Variants in CNTNAP4 observed in about 807,000 individuals in gnomAD.
CNTNAP4 encodes the protein contactin associated protein family member 4.
Under a neutral mutation model 148.4 loss-of-function variants are expected in CNTNAP4, and 98 were observed. The ratio of observed to expected loss-of-function variants is 0.66; its 90% CI spans 0.56 to 0.78. The LOEUF is 0.78. CNTNAP4 is among the 30% of genes least tolerant of loss of function. The pLI is 0.00. For missense variants in CNTNAP4, 1,935 were observed against 1,565.6 expected, an observed-to-expected ratio of 1.24 and a Z score of -3.98; for synonymous variants, 730 against 565.1, an observed-to-expected ratio of 1.29 and a Z score of -4.14.
chr16:76,487,823 A>G (rs1443966706), intron 12 of CNTNAP4, among the ~76,000 whole-genome samples: 1 of 152,202 alleles, frequency 6.6e-6, no homozygotes, highest in African/African-American at 2.4e-5. Context: ...AATGGTTGCC[A>G]TGCACTATGG....
At chr16:76,545,502 G>C (rs62048245) in intron 21 of CNTNAP4, among the ~76,000 whole-genome samples, 4,896 of 152,226 alleles carry the variant, frequency 0.032, 118 homozygotes, top group South Asian at 0.11. Context: ...GAGTGGGCAA[G>C]TGTATTCCTC....
At chr16:76,286,927 A>G (rs909725335) in intron 1 of CNTNAP4, among the ~76,000 whole-genome samples, 1 of 152,164 alleles carries the variant, frequency 6.6e-6, no homozygotes, top group African/African-American at 2.4e-5. Context: ...GTGATGAGGG[A>G]ATTCTATGCA....
intron 15 of CNTNAP4, among the ~76,000 whole-genome samples, chr16:76,515,240 A>G (rs1244804350): frequency 1.3e-5 from 2 of 152,216 alleles, no homozygotes; most frequent in African/African-American, 2.4e-5. Flanking sequence ...AAAAGTTGAC[A>G]GTTAAAAACA....
chr16:76,361,738 G>A (rs2013463800), intron 3 of CNTNAP4, among the ~76,000 whole-genome samples: 1 of 152,150 alleles, frequency 6.6e-6, no homozygotes. Context: ...ATTCCATACT[G>A]CATGCTGTTT....
At chr16:76,442,977 G>A (rs561774741) in intron 4 of CNTNAP4, among the ~76,000 whole-genome samples, 24 of 152,164 alleles carry the variant, frequency 1.6e-4, no homozygotes, top group African/African-American at 5.8e-4. Context: ...GGCTGAAAAG[G>A]GGGCTAGACT....
chr16:76,297,235 A>G (rs1045288481), intron 1 of CNTNAP4, among the ~76,000 whole-genome samples: 1 of 152,220 alleles, frequency 6.6e-6, no homozygotes, highest in Non-Finnish European at 1.5e-5. Context: ...CATCATTTCT[A>G]AAACACTGTT....
intron 3 of CNTNAP4, among the ~76,000 whole-genome samples, chr16:76,415,619 TTCTGATAAATGTAAACA>T (rs1326685610): frequency 3.5e-5 from 5 of 144,888 alleles, no homozygotes; most frequent in African/African-American, 1.2e-4. Flanking sequence ...AATTGATGAG[TTCTGATAAATGTAAACA>T]CCTGTTTAAC....
intron 2 of CNTNAP4, among the ~76,000 whole-genome samples, chr16:76,317,872 G>A (rs1243610834): frequency 1.3e-5 from 2 of 152,110 alleles, no homozygotes; most frequent in Non-Finnish European, 2.9e-5. Flanking sequence ...ACCTACTTTT[G>A]TGTGCTTCTG....
chr16:76,396,296 T>C (rs1354266934), intron 3 of CNTNAP4, among the ~76,000 whole-genome samples: 1 of 152,182 alleles, frequency 6.6e-6, no homozygotes, highest in Non-Finnish European at 1.5e-5. Context: ...CAGTTACTGC[T>C]GCTGCTCACA....
intron 10 of CNTNAP4, among the ~76,000 whole-genome samples, 184 bp downstream of exon 10, chr16:76,467,707 G>A (rs939546299): frequency 1.3e-5 from 2 of 152,122 alleles, no homozygotes; most frequent in South Asian, 4.1e-4. Context: ...TATTTTAAAT[G>A]ACAACATTTG....
intron 3 of CNTNAP4, among the ~76,000 whole-genome samples, chr16:76,360,940 C>T (rs1396305158): frequency 6.6e-6 from 1 of 151,736 alleles, no homozygotes; most frequent in Non-Finnish European, 1.5e-5. Flanking sequence ...CCTCAGCCTC[C>T]CTAGTAGCTG....
intron 18 of CNTNAP4, among the ~76,000 whole-genome samples, chr16:76,537,757 C>A (rs1233051192): frequency 6.6e-6 from 1 of 152,042 alleles, no homozygotes; most frequent in Non-Finnish European, 1.5e-5. Flanking sequence ...TTAAGATACA[C>A]TTCATTTAAG....
intron 3 of CNTNAP4, among the ~76,000 whole-genome samples, chr16:76,403,044 C>T (rs896039144): frequency 3.3e-5 from 5 of 151,410 alleles, no homozygotes; most frequent in African/African-American, 9.7e-5. Flanking sequence ...AAAACAACTC[C>T]ATTAAAACGC....
intron 3 of CNTNAP4, among the ~76,000 whole-genome samples, chr16:76,386,630 G>A (rs1353430387): frequency 1.3e-5 from 2 of 152,120 alleles, no homozygotes; most frequent in African/African-American, 4.8e-5. Context: ...AGATACTTAG[G>A]CACAATAAGT....
intron 4 of CNTNAP4, among the ~76,000 whole-genome samples, chr16:76,432,024 G>T (rs1353665695): frequency 6.6e-6 from 1 of 152,156 alleles, no homozygotes; most frequent in African/African-American, 2.4e-5. Flanking sequence ...ATTATTGTTA[G>T]TAAATCATAA....
chr16:76,450,620 G>A (rs2143209322), intron 7 of CNTNAP4, among the ~76,000 whole-genome samples: 1 of 152,300 alleles, frequency 6.6e-6, no homozygotes, highest in African/African-American at 2.4e-5. Context: ...CAGCATGTAA[G>A]AAACATCACA....
At chr16:76,450,747 AT>A (rs1405953619) in intron 7 of CNTNAP4, among the ~76,000 whole-genome samples, 1 of 152,200 alleles carries the variant, frequency 6.6e-6, no homozygotes, top group African/African-American at 2.4e-5. Context: ...TTACATTCTA[AT>A]TCTGTGGAAA....
chr16:76,462,123 G>C lies in CNTNAP4; in HGVS notation c.1483+18G>C, dbSNP rs781176280. On this transcript the variant is annotated intron_variant, in intron 9 of 23. Coordinates refer to ENST00000611870, the MANE Select transcript of CNTNAP4 (RefSeq NM_033401.5). ...TTTTGGAGGTAAGAATAGGTGCCAG[G>C]CTCTATGAGCAACTGAACCATATTT... is the stretch of plus-strand genomic sequence containing the variant. 1.2e-6 allele frequency: 2 copies of C among 1,602,214 alleles called. No homozygotes were observed. Among genetic ancestry groups the C allele is most frequent in the East Asian group, 4.5e-5 (2 of 44,562 alleles).
chr16:76,351,082 A>C (rs528265301), intron 2 of CNTNAP4, among the ~76,000 whole-genome samples: 19 of 152,330 alleles, frequency 1.2e-4, no homozygotes, highest in Non-Finnish European at 2.4e-4. Flanking sequence ...TTGGTTTCTT[A>C]GGATATTGAA....
Sources: allele counts gnomAD v4.1 joint callset (sites outside exome capture counted in the v4.1 genomes callset), GRCh38; gene constraint gnomAD v4.1.1; transcripts MANE v1.5; gene names NCBI Gene and HGNC (gene_info 2026-07-23, HGNC 2026-07-21).